The following OPCML variants were observed in gnomAD, a reference collection of about 807,000 sequenced individuals.
OPCML encodes the protein opioid binding protein/cell adhesion molecule like.
OPCML carries 13 observed loss-of-function variants against 37.8 expected under a neutral mutation model. The ratio of observed to expected loss-of-function variants is 0.34; its 90% confidence interval spans 0.22 to 0.55. The LOEUF (loss-of-function observed/expected upper bound fraction) is 0.55, where lower values mean the gene tolerates loss of function less well. Ranked by LOEUF, OPCML falls within the 20% of genes least tolerant of loss-of-function variation. The pLI is 0.91. For missense variants in OPCML, 341 were observed against 435.6 expected (o/e 0.78, Z 1.93); for synonymous variants, 176 against 168.8 (o/e 1.04, Z -0.33).
chr11:132,634,139 C>T (rs929556386), intron 3 of OPCML, among the ~76,000 whole-genome samples: 3 of 152,294 alleles, frequency 2.0e-5, no homozygotes, highest in Middle Eastern at 3.4e-3. Context: ...CCTCGGACTT[C>T]CCCCTGGATC....
At chr11:132,660,352 G>T (rs1258637231) in intron 2 of OPCML, among the ~76,000 whole-genome samples, 4 of 152,174 alleles carry the variant, frequency 2.6e-5, no homozygotes, top group Admixed American at 6.5e-5. Flanking sequence ...TAGCTTCAAA[G>T]ATAATTTCAA....
At chr11:132,575,836 C>T (rs1011280235) in intron 3 of OPCML, among the ~76,000 whole-genome samples, 4 of 152,114 alleles carry the variant, frequency 2.6e-5, no homozygotes, top group Middle Eastern at 3.4e-3. Flanking sequence ...TTAGTGGTGA[C>T]GAATACACTG....
chr11:132,912,098 A>G (rs1291653785), intron 2 of OPCML, among the ~76,000 whole-genome samples: 1 of 152,124 alleles, frequency 6.6e-6, no homozygotes, highest in Non-Finnish European at 1.5e-5. Flanking sequence ...ACAGCAACTC[A>G]TGGAATAACA....
chr11:132,727,288 A>G (rs527845373), intron 2 of OPCML, among the ~76,000 whole-genome samples: 1 of 152,282 alleles, frequency 6.6e-6, no homozygotes, highest in Non-Finnish European at 1.5e-5. Context: ...CCTGCTATTC[A>G]ATACTAGGTG....
chr11:133,252,939 A>G (rs2136437631), intron 1 of OPCML, among the ~76,000 whole-genome samples: 1 of 152,220 alleles, frequency 6.6e-6, no homozygotes, highest in African/African-American at 2.4e-5. Flanking sequence ...CAAGGTCGAG[A>G]GTTCGAGACC....
rs141772617 is a variant in OPCML at position 133,495,013 on chromosome 11, A to G, written c.61+37251T>C. On this transcript the variant is annotated intron_variant, in intron 1 of 7. Coordinates refer to ENST00000524381, the MANE Select transcript of OPCML (RefSeq NM_001012393.5). The stretch of plus-strand genomic sequence containing the variant: ...TGAGAGTTTGGTGCATCACCCAAGC[A>G]GTATATGCTGTACCATATTTGTAGT... 4.8e-3 allele frequency among the ~76,000 whole-genome samples: 729 copies of G among 152,288 alleles called. 6 individuals carry two copies. Among genetic ancestry groups the G allele is most frequent in the African/African-American group, 0.015 (641 of 41,548 alleles).
intron 2 of OPCML, among the ~76,000 whole-genome samples, chr11:132,805,030 A>T (rs1348654208): frequency 6.6e-6 from 1 of 152,214 alleles, no homozygotes; most frequent in Non-Finnish European, 1.5e-5. Flanking sequence ...TCACAAAATT[A>T]TAGGAAAATA....
rs193139718 is a variant in OPCML, at chr11:133,112,013, G to A, written c.62-169003C>T. Among the ~76,000 whole-genome samples the A allele has an allele frequency of 4.6e-5, 7 of 152,172 alleles. No homozygotes were observed. In the East Asian group the frequency reaches 1.4e-3, roughly 29 times the overall value. On this transcript the variant is annotated intron_variant, in intron 1 of 7. Coordinates refer to ENST00000524381, the MANE Select transcript of OPCML (RefSeq NM_001012393.5). ...ATGGATCTACAGACACTGGATGGGGGAAATTGTCCTGTACATCCACCTTCA... is the reference window on the plus strand; with the variant it reads ...ATGGATCTACAGACACTGGATGGGGAAAATTGTCCTGTACATCCACCTTCA...
intron 4 of OPCML, among the ~76,000 whole-genome samples, chr11:132,486,724 C>G (rs1459904479): frequency 6.6e-6 from 1 of 151,056 alleles, no homozygotes; most frequent in Admixed American, 6.6e-5. Flanking sequence ...CATCATCTAT[C>G]AATATCCTTT....
At chr11:133,439,736 G>C (rs1191259561) in intron 1 of OPCML, among the ~76,000 whole-genome samples, 1 of 151,946 alleles carries the variant, frequency 6.6e-6, no homozygotes, top group Non-Finnish European at 1.5e-5. Context: ...CAAAGTGCTG[G>C]GATTGCAGGT....
chr11:133,259,417 G>T (rs936997113), intron 1 of OPCML, among the ~76,000 whole-genome samples: 4 of 152,204 alleles, frequency 2.6e-5, no homozygotes, highest in African/African-American at 4.8e-5. Flanking sequence ...GTTAAGATTT[G>T]TACCCCAGCA....
At chr11:133,107,492 T>C (rs1399044617) in intron 1 of OPCML, among the ~76,000 whole-genome samples, 2 of 152,206 alleles carry the variant, frequency 1.3e-5, no homozygotes, top group Non-Finnish European at 2.9e-5. Flanking sequence ...TCAATGAATA[T>C]TTCTGGCCCC....
intron 2 of OPCML, among the ~76,000 whole-genome samples, chr11:132,857,763 A>G (rs547049273): frequency 6.6e-6 from 1 of 152,272 alleles, no homozygotes; most frequent in African/African-American, 2.4e-5. Flanking sequence ...TTGTGTTGCT[A>G]TTTTTCAAAG....
chr11:133,404,337 GAGT>G (rs1308107835), intron 1 of OPCML, among the ~76,000 whole-genome samples: 1 of 152,218 alleles, frequency 6.6e-6, no homozygotes, highest in African/African-American at 2.4e-5. Context: ...CAGGCGCGAG[GAGT>G]AGAACTTGTA....
At chr11:132,483,519 C>G (rs1002857209) in intron 4 of OPCML, among the ~76,000 whole-genome samples, 1 of 152,124 alleles carries the variant, frequency 6.6e-6, no homozygotes, top group Admixed American at 6.5e-5. Context: ...TCAATGCCGT[C>G]CCCATCAAGC....
chr11:132,638,807 C>T (rs1400796164), intron 3 of OPCML, among the ~76,000 whole-genome samples: 2 of 152,138 alleles, frequency 1.3e-5, no homozygotes, highest in African/African-American at 4.8e-5. Context: ...AGCCTCCTGC[C>T]CACCAAACTA....
At position 132,437,245 on chromosome 11, in the gene OPCML, C is replaced by T. The variant is rs375421247; in HGVS notation, c.620G>A (p.Arg207Gln). 86 of 1,613,884 alleles carry T rather than the reference C, an allele frequency of 5.3e-5. No individual in the cohort carries two copies. The highest frequency in any genetic ancestry group is 1.6e-4 in the Middle Eastern group (1 of 6,082). The change falls in exon 5 of 8, where the codon CGG becomes CAG. Residue 207 changes from arginine (R) to glutamine (Q), a missense_variant. By Grantham distance (43) the Arg-to-Gln change is conservative (BLOSUM62 1). Transcript: ENST00000524381. ...ACAGTTTACAGTGATTTTTACTTTCCGCACATCGGGCGCAGCGACATCGTT... is the reference window on the plus strand; with the variant it reads ...ACAGTTTACAGTGATTTTTACTTTCTGCACATCGGGCGCAGCGACATCGTT... ...ALNDVAAPDV[R>Q]KVKITVNYPP...
chr11:132,638,621 G>T (rs1416126996), intron 3 of OPCML, among the ~76,000 whole-genome samples: 1 of 152,108 alleles, frequency 6.6e-6, no homozygotes, highest in Non-Finnish European at 1.5e-5. Flanking sequence ...TGGAACCTCT[G>T]ATTGGCCTTT....
chr11:133,523,435 C>A (rs1050165718), intron 1 of OPCML, among the ~76,000 whole-genome samples: 1 of 152,148 alleles, frequency 6.6e-6, no homozygotes, highest in African/African-American at 2.4e-5. Context: ...CAAGTGCATT[C>A]GTGTCTCCAT....
Sources: gnomAD v4.1 joint callset for allele counts (sites outside exome capture counted in the v4.1 genomes callset) on GRCh38, gnomAD v4.1.1 for gene constraint, MANE v1.5 for transcripts, NCBI Gene and HGNC (gene_info 2026-07-23, HGNC 2026-07-21) for gene names.